The following KANK1 variants were observed in gnomAD, a reference collection of about 807,000 sequenced individuals.
The protein encoded by KANK1 is KN motif and ankyrin repeat domains 1, also known as KN motif and ankyrin repeat domain-containing protein 1.
KANK1 carries 109 observed loss-of-function variants against 106.2 expected under a neutral mutation model. The observed-to-expected ratio is 1.03, with a 90% CI of 0.88 to 1.20. The LOEUF (loss-of-function observed/expected upper bound fraction) is 1.20, where lower values mean the gene tolerates loss of function less well. Ranked by LOEUF, KANK1 falls within the 50% of genes most tolerant of loss-of-function variation. The probability of loss-of-function intolerance (pLI) is 0.00; values close to 1 mark genes in which losing one functional copy is unlikely to be tolerated. For missense variants in KANK1, 2,399 were observed against 1,710.7 expected (o/e 1.40, Z -7.10); for synonymous variants, 873 against 652.2 (o/e 1.34, Z -5.16).
chr9:719,161 G>T (rs1350371010), intron 3 of KANK1, among the ~76,000 whole-genome samples: 1 of 151,928 alleles, frequency 6.6e-6, no homozygotes, highest in Non-Finnish European at 1.5e-5. Flanking sequence ...TAGAGACGGG[G>T]TTTAACCTTG....
intron 1 of KANK1, among the ~76,000 whole-genome samples, chr9:550,588 CAG>C (rs1563754458): frequency 1.3e-5 from 2 of 152,198 alleles, no homozygotes; most frequent in South Asian, 2.1e-4. Context: ...GCCTCAGCAA[CAG>C]AGGGAGACCC....
At chr9:702,457 A>G (rs910643665) in intron 2 of KANK1, among the ~76,000 whole-genome samples, 1 of 152,196 alleles carries the variant, frequency 6.6e-6, no homozygotes, top group African/African-American at 2.4e-5. Context: ...CTCCGAGAAC[A>G]GTGCATGGTA....
At chr9:676,616 T>C (rs1007297254) in intron 1 of KANK1, among the ~76,000 whole-genome samples, 5 of 152,206 alleles carry the variant, frequency 3.3e-5, no homozygotes, top group Non-Finnish European at 1.5e-5. Flanking sequence ...GTGACCACTT[T>C]CCTAAAATAG....
intron 3 of KANK1, among the ~76,000 whole-genome samples, chr9:474,786 A>C (rs768220186): frequency 6.6e-5 from 10 of 152,202 alleles, no homozygotes; most frequent in Non-Finnish European, 1.3e-4. Context: ...CATTGGTGGC[A>C]GGGTGACAAT....
At position 744,564 on chromosome 9, in the gene KANK1, T is replaced by A. The variant is rs1289544487; in HGVS notation, c.3971T>A (p.Val1324Asp). 3 of 1,614,170 alleles carry A rather than the reference T, an allele frequency of 1.9e-6. No homozygotes were observed. Among genetic ancestry groups the A allele is most frequent in the Non-Finnish European group, 2.5e-6 (3 of 1,180,028 alleles). The change falls in exon 11 of 12, where the codon GTC becomes GAC. Residue 1324 changes from valine to aspartate, a missense_variant. Coordinates refer to ENST00000382297, the MANE Select transcript of KANK1 (RefSeq NM_015158.5). ...ATCGCTGTTCTTCTGTATGCCCATG[T>A]CAACTTTGCAAAAGCCCAGTCTCCG... ...KDIAVLLYAHVNFAKAQSPGT... is the reference protein window; with the variant it reads ...KDIAVLLYAHDNFAKAQSPGT...
chr9:689,627 G>A (rs1182922868), intron 2 of KANK1, among the ~76,000 whole-genome samples: 1 of 152,116 alleles, frequency 6.6e-6, no homozygotes, highest in Non-Finnish European at 1.5e-5. Flanking sequence ...GACTATGAAA[G>A]AGATGGGTGG....
Position 711,708 on chromosome 9 carries a change from C to G in KANK1, c.942C>G (p.Ile314Met). 1 of 1,614,222 alleles carries G rather than the reference C, an allele frequency of 6.2e-7. No homozygotes were observed. Among genetic ancestry groups the G allele is most frequent in the South Asian group, 1.1e-5 (1 of 91,080 alleles). The change falls in exon 3 of 12, where the codon ATC becomes ATG. Residue 314 changes from isoleucine to methionine, a missense_variant. Ile to Met is a conservative substitution (Grantham distance 10). Transcript: ENST00000382297. ...AAAACCAAAGGGCTGCATCCCAGATCAATGTCTGTGGTGTGAGGAAGCGGT... is the reference window on the plus strand; with the variant it reads ...AAAACCAAAGGGCTGCATCCCAGATGAATGTCTGTGGTGTGAGGAAGCGGT... ...QLKNQRAASQ[I>M]NVCGVRKRSY...
At chr9:557,814 G>C (rs1815242311) in intron 1 of KANK1, among the ~76,000 whole-genome samples, 1 of 152,178 alleles carries the variant, frequency 6.6e-6, no homozygotes, top group African/African-American at 2.4e-5. Flanking sequence ...AGGACTGTGT[G>C]AGCCCAGAAG....
intron 1 of KANK1, among the ~76,000 whole-genome samples, chr9:567,523 A>G (rs1378240467): frequency 6.6e-6 from 1 of 152,238 alleles, no homozygotes; most frequent in Non-Finnish European, 1.5e-5. Context: ...AGCAAGGGTC[A>G]GATATCTCTT....
rs149922763 is a variant in KANK1 at position 591,408 on chromosome 9, C to T, written c.-83-85482C>T. ...AAGTGTGATCACATCTTGGCATACC[C>T]CTGCCTGAGCTCGTCATGGCATTCT... is the stretch of plus-strand genomic sequence containing the variant. On this transcript the variant is annotated intron_variant, in intron 1 of 11. Coordinates refer to ENST00000382297, the MANE Select transcript of KANK1 (RefSeq NM_015158.5). Among the ~76,000 whole-genome samples, 15 of 151,890 alleles carry T rather than the reference C, an allele frequency of 9.9e-5. No individual in the cohort carries two copies. The East Asian group carries it at 2.9e-3, about 29-fold the overall frequency.
intron 1 of KANK1, among the ~76,000 whole-genome samples, chr9:646,496 A>G (rs1839697261): frequency 6.6e-6 from 1 of 150,882 alleles, no homozygotes; most frequent in Non-Finnish European, 1.5e-5. Flanking sequence ...CTCTCACTTG[A>G]ATAATTTTCT....
chr9:740,492 A>G (rs1835129683), intron 8 of KANK1, among the ~76,000 whole-genome samples: 1 of 152,252 alleles, frequency 6.6e-6, no homozygotes, highest in African/African-American at 2.4e-5. Flanking sequence ...AAGAGCAACC[A>G]GTAGAACAAC....
intron 2 of KANK1, chr9:707,210 C>T (rs1824531755): frequency 3.0e-6 from 3 of 986,348 alleles, no homozygotes; most frequent in Non-Finnish European, 3.6e-6. Flanking sequence ...CTGTGCGGGG[C>T]AGCGCGGGCT....
intron 1 of KANK1, among the ~76,000 whole-genome samples, chr9:576,150 C>T (rs1274760991): frequency 6.6e-6 from 1 of 152,216 alleles, no homozygotes; most frequent in Non-Finnish European, 1.5e-5. Flanking sequence ...ACTGCTTACT[C>T]TGAAGGTGGG....
chr9:493,731 G>C (rs60136118), intron 3 of KANK1, among the ~76,000 whole-genome samples: 4 of 151,046 alleles, frequency 2.6e-5, no homozygotes, highest in Admixed American at 2.0e-4. Flanking sequence ...TATTTTAGTA[G>C]AGACAGGGTT....
rs1447692095 is a variant in KANK1, at chr9:745,591, A to G, written c.*356A>G. ...GAGACGTTTTAAGATTTTTCCACAA[A>G]TATTTATATGTACTAAATGTGGAAC... On this transcript the variant is annotated 3_prime_UTR_variant, in exon 12 of 12. Coordinates refer to ENST00000382297, the MANE Select transcript of KANK1 (RefSeq NM_015158.5). 1 of 163,774 alleles carries G rather than the reference A, an allele frequency of 6.1e-6. No individual in the cohort carries two copies. Among genetic ancestry groups the G allele is most frequent in the Non-Finnish European group, 1.3e-5 (1 of 75,932 alleles). The allele number at this position is 163,774 out of a possible 1,614,324, so 10.1% of individuals were successfully genotyped here.
At chr9:585,658 GTA>G (rs369256022) in intron 1 of KANK1, among the ~76,000 whole-genome samples, 84 of 152,328 alleles carry the variant, frequency 5.5e-4, no homozygotes, top group Non-Finnish European at 1.1e-3. Context: ...ACATGGAAGA[GTA>G]GACAATAATG....
intron 1 of KANK1, among the ~76,000 whole-genome samples, chr9:654,810 TGTGTGAGAGAGAGAGA>T (rs1477871602): frequency 1.3e-4 from 12 of 91,722 alleles, no homozygotes; most frequent in East Asian, 1.2e-3. Flanking sequence ...TGTGTGTGTG[TGTGTGAGAGAGAGAGA>T]GAGAGAGAGA....
intron 1 of KANK1, among the ~76,000 whole-genome samples, chr9:601,665 A>G (rs1353310736): frequency 1.3e-5 from 2 of 151,786 alleles, no homozygotes; most frequent in African/African-American, 2.4e-5. Flanking sequence ...ATAACCCAAT[A>G]TTATCATCAT....
Sources: gnomAD v4.1 joint callset for allele counts (sites outside exome capture counted in the v4.1 genomes callset) on GRCh38, gnomAD v4.1.1 for gene constraint, MANE v1.5 for transcripts, NCBI Gene and HGNC (gene_info 2026-07-23, HGNC 2026-07-21) for gene names.